CREB5: variants seen among roughly 807,000 people sequenced by gnomAD.
CREB5 encodes the protein cAMP responsive element binding protein 5.
Under a neutral mutation model 57.1 loss-of-function variants are expected in CREB5, and 19 were observed. That is an observed-to-expected ratio of 0.33 (90% CI 0.23 to 0.49). The LOEUF (loss-of-function observed/expected upper bound fraction) is 0.49. Among genes scored for constraint, CREB5 ranks in the 20% least tolerant of loss-of-function variants. The probability of loss-of-function intolerance (pLI) is 0.99; values close to 1 mark genes in which losing one functional copy is unlikely to be tolerated. For missense variants in CREB5, 579 were observed against 671.6 expected, an observed-to-expected ratio of 0.86 and a Z score of 1.52; for synonymous variants, 238 against 238.3, an observed-to-expected ratio of 1.00 and a Z score of 0.01.
At chr7:28,357,006 A>T (rs977500674) in intron 1 of CREB5, among the ~76,000 whole-genome samples, 1 of 151,062 alleles carries the variant, frequency 6.6e-6, no homozygotes, top group Non-Finnish European at 1.5e-5. Context: ...GCTGTTCTGT[A>T]ACAAGTAATA....
At chr7:28,465,171 G>C (rs1476691506) in intron 1 of CREB5, among the ~76,000 whole-genome samples, 1 of 152,228 alleles carries the variant, frequency 6.6e-6, no homozygotes, top group East Asian at 1.9e-4. Flanking sequence ...GGGACCATGA[G>C]ACTCTAGTAG....
chr7:28,642,570 AC>A (rs1798700184), intron 5 of CREB5, among the ~76,000 whole-genome samples: 1 of 152,180 alleles, frequency 6.6e-6, no homozygotes, highest in Non-Finnish European at 1.5e-5. Context: ...ATGCTTTAAT[AC>A]GATTTGCCAA....
chr7:28,773,631 C>T (rs981731383), intron 7 of CREB5, among the ~76,000 whole-genome samples: 1 of 152,172 alleles, frequency 6.6e-6, no homozygotes, highest in African/African-American at 2.4e-5. Context: ...TCCAATAAAA[C>T]TTTATTTACA....
At chr7:28,309,172 G>C (rs971023391) in intron 1 of CREB5, among the ~76,000 whole-genome samples, 1 of 152,098 alleles carries the variant, frequency 6.6e-6, no homozygotes, top group African/African-American at 2.4e-5. Flanking sequence ...TTTTGGACTT[G>C]CCAGCCTCCA....
At chr7:28,481,059 A>G (rs60770170) in intron 1 of CREB5, among the ~76,000 whole-genome samples, 2,685 of 152,314 alleles carry the variant, frequency 0.018, 80 homozygotes, top group African/African-American at 0.061. Context: ...AACGCCACAT[A>G]AATAAAACCA....
At chr7:28,669,763 T>C (rs144225918) in intron 5 of CREB5, among the ~76,000 whole-genome samples, 154 of 152,300 alleles carry the variant, frequency 1.0e-3, no homozygotes, top group Non-Finnish European at 1.5e-3. Flanking sequence ...TACCGTAAGC[T>C]CTGGAAGTCT....
intron 4 of CREB5, among the ~76,000 whole-genome samples, chr7:28,515,756 A>C (rs28714354): frequency 0.12 from 19,013 of 152,140 alleles, 1,526 homozygotes; most frequent in South Asian, 0.19. Context: ...CTTACTTCGT[A>C]CTGGGTTATT....
chr7:28,497,177 C>T (rs1337284690), intron 3 of CREB5, among the ~76,000 whole-genome samples: 4 of 152,222 alleles, frequency 2.6e-5, no homozygotes, highest in Non-Finnish European at 5.9e-5. Context: ...AAGTACCAGA[C>T]AGAGCAGCCT....
intron 7 of CREB5, among the ~76,000 whole-genome samples, chr7:28,771,331 C>A (rs966907316): frequency 2.0e-5 from 3 of 152,116 alleles, no homozygotes; most frequent in African/African-American, 7.2e-5. Flanking sequence ...GAAAAAAATT[C>A]AGAGTCAGTT....
chr7:28,589,858 G>C (rs947921704), intron 5 of CREB5, among the ~76,000 whole-genome samples: 1 of 152,172 alleles, frequency 6.6e-6, no homozygotes, highest in Non-Finnish European at 1.5e-5. Flanking sequence ...AAGCTTCCAT[G>C]TTAAGGGCCT....
At chr7:28,717,040 G>A (rs183289416) in intron 5 of CREB5, among the ~76,000 whole-genome samples, 2 of 149,020 alleles carry the variant, frequency 1.3e-5, no homozygotes, top group South Asian at 2.1e-4. Context: ...ACAACTGAGT[G>A]TAATTAGTGT....
chr7:28,739,852 C>T (rs1307665194), intron 7 of CREB5, among the ~76,000 whole-genome samples: 2 of 152,210 alleles, frequency 1.3e-5, no homozygotes, highest in African/African-American at 4.8e-5. Context: ...AGAGTTCTTA[C>T]AGCTTTAGGG....
chr7:28,344,191 T>C (rs535211426), intron 1 of CREB5, among the ~76,000 whole-genome samples: 1 of 152,282 alleles, frequency 6.6e-6, no homozygotes, highest in Non-Finnish European at 1.5e-5. Context: ...TTGTTGCCTG[T>C]GCTTTTGAGG....
chr7:28,678,754 T>C (rs528011010), intron 5 of CREB5, among the ~76,000 whole-genome samples: 2 of 152,334 alleles, frequency 1.3e-5, no homozygotes, highest in African/African-American at 4.8e-5. Context: ...CATAGATAAT[T>C]TCATTTGGAA....
intron 1 of CREB5, among the ~76,000 whole-genome samples, chr7:28,334,474 G>A (rs1337707436): frequency 6.6e-6 from 1 of 152,042 alleles, no homozygotes; most frequent in Non-Finnish European, 1.5e-5. Flanking sequence ...TTTTTATATA[G>A]CTGTTTGCCA....
intron 7 of CREB5, among the ~76,000 whole-genome samples, chr7:28,761,562 G>T (rs1805655109): frequency 6.6e-6 from 1 of 152,156 alleles, no homozygotes; most frequent in Non-Finnish European, 1.5e-5. Flanking sequence ...TTAAACTCAA[G>T]CCTCAATTAA....
At chr7:28,495,174 G>A (rs1562755988) in intron 3 of CREB5, among the ~76,000 whole-genome samples, 175 bp downstream of exon 3, 2 of 152,064 alleles carry the variant, frequency 1.3e-5, no homozygotes, top group Non-Finnish European at 2.9e-5. Context: ...CTGAAGAGCG[G>A]CAACTTCTCA....
chr7:28,809,406 C>T lies in CREB5; in HGVS notation c.1246C>T (p.Gln416Ter). 2 of 1,611,298 alleles carry T rather than the reference C, an allele frequency of 1.2e-6. No individual in the cohort carries two copies. Among genetic ancestry groups the T allele is most frequent in the Non-Finnish European group, 1.7e-6 (2 of 1,178,732 alleles). The change falls in exon 9 of 11, where the codon CAG (glutamine) becomes TAG (stop). Residue 416 changes from glutamine to a stop codon, truncating the protein, a stop_gained. Transcript: ENST00000357727. LOFTEE classifies it high-confidence loss of function. ...AGAAGAACTCACCCAGACAAACATG[C>T]AGCTTCAGGTGCAGCCCACGGTGTC... ...KAEELTQTNMQLQNEVSMLKN... is the reference protein window; with the variant it reads ...KAEELTQTNM
At chr7:28,609,150 C>T (rs1797291286) in intron 5 of CREB5, 1 of 152,124 alleles carries the variant, frequency 6.6e-6, no homozygotes, top group African/African-American at 2.4e-5. Flanking sequence ...TAGTGGTAAG[C>T]AACAATAATT....
Sources: gnomAD v4.1 joint callset for allele counts (sites outside exome capture counted in the v4.1 genomes callset) on GRCh38, gnomAD v4.1.1 for gene constraint, MANE v1.5 for transcripts, NCBI Gene and HGNC (gene_info 2026-07-23, HGNC 2026-07-21) for gene names.